ANO7: variants seen among roughly 807,000 people sequenced by gnomAD.
ANO7 encodes anoctamin 7.
In ANO7, 114 loss-of-function variants were observed where a neutral mutation model predicts 115.8. The ratio of observed to expected loss-of-function variants is 0.98; its 90% CI spans 0.85 to 1.15. ANO7 has a LOEUF of 1.15. ANO7 is among the 50% of genes most tolerant of loss of function. ANO7 has a pLI of 0.00. For synonymous variants in ANO7, 550 were observed against 498.2 expected (o/e 1.10, Z -1.38); for missense variants, 1,302 against 1,201.2 (o/e 1.08, Z -1.24).
chr2:241,229,959 T>C (rs1369420093), downstream of ANO7: 1 of 1,596,302 alleles, frequency 6.3e-7, no homozygotes, highest in Non-Finnish European at 8.5e-7. Flanking sequence ...CCACGTCAGC[T>C]AGCTGCAGGC....
rs779817986 is a variant in ANO7, at chr2:241,218,322, C to G, written c.2262C>G (p.Leu754=). 5.3e-6 allele frequency: 8 copies of G among 1,520,336 alleles called. No individual in the cohort carries two copies. Among genetic ancestry groups the G allele is most frequent in the Admixed American group, 2.0e-5 (1 of 51,164 alleles). The allele number at this position is 1,520,336 out of a possible 1,614,324, so 94.2% of individuals were successfully genotyped here. ...WTRAHDLRGF[L]NFTLARAPSS... is the part of the protein sequence containing the mutation. ...GCGCCCACGACCTGCGCGGCTTCCTCAACTTCACGCTGGCGCGAGCCCCGT... is the reference window on the plus strand; with the variant it reads ...GCGCCCACGACCTGCGCGGCTTCCTGAACTTCACGCTGGCGCGAGCCCCGT... Residue 754 remains leucine, a synonymous_variant, in exon 21 of 25, where the codon CTC becomes CTG. Transcript: ENST00000674324.
intron 3 of ANO7, among the ~76,000 whole-genome samples, chr2:241,192,419 G>T (rs941473369): frequency 7.9e-5 from 12 of 152,206 alleles, no homozygotes; most frequent in Non-Finnish European, 1.2e-4. Flanking sequence ...TGAGGGTGAG[G>T]CAGGGCTGGT....
Position 241,223,767 on chromosome 2 carries a change from C to A in ANO7, c.2518C>A (p.Leu840Met). The stretch of plus-strand genomic sequence containing the variant: ...GGAGTACTACCTGGCTAAGCAGGCA[C>A]TGGCTGAGAATGAGGTGAACTGTAC... Reference protein sequence around the residue: ...KREYYLAKQALAENEVLFGTN... With the variant: ...KREYYLAKQAMAENEVLFGTN... The change falls in exon 23 of 25, where the codon CTG becomes ATG. Residue 840 changes from leucine (L) to methionine (M), a missense_variant. Coordinates refer to ENST00000674324, the MANE Select transcript of ANO7 (RefSeq NM_001370694.2). 6.2e-7 allele frequency: 1 copy of A among 1,614,230 alleles called. No homozygotes were observed. Among genetic ancestry groups the A allele is most frequent in the Non-Finnish European group, 8.5e-7 (1 of 1,180,028 alleles).
At chr2:241,218,492 C>G (rs1475599329) in intron 21 of ANO7, 111 bp downstream of exon 21, 8 of 465,018 alleles carry the variant, frequency 1.7e-5, no homozygotes, top group Non-Finnish European at 1.6e-5. Flanking sequence ...CGGGCGCCGC[C>G]GGGCAAGGCC....
At position 241,201,209 on chromosome 2, in the gene ANO7, C is replaced by T. The variant is rs2068461474; in HGVS notation, c.555-89C>T. The T allele has an allele frequency of 3.4e-6, 5 of 1,490,978 alleles. No homozygotes were observed. The Admixed American group carries it at 1.0e-4, about 31-fold the overall frequency. 92.4% of individuals were successfully genotyped at this position (1,490,978 alleles called of 1,614,324 possible). A position where few individuals can be genotyped will look rare whatever the true frequency, so the allele number is the denominator to read the frequency against. ...CGGGCCCCAAACCTTCTGCACCGTTCACATGCCCGCAGCTTCCTCCAAACC... is the reference window on the plus strand; with the variant it reads ...CGGGCCCCAAACCTTCTGCACCGTTTACATGCCCGCAGCTTCCTCCAAACC... On this transcript the variant is annotated intron_variant, in intron 6 of 24. Coordinates refer to ENST00000674324, the MANE Select transcript of ANO7 (RefSeq NM_001370694.2).
rs113676425 is a variant in ANO7, at chr2:241,203,265, T to C, written c.724-68T>C. 7,989 of 1,263,884 alleles carry C rather than the reference T, an allele frequency of 6.3e-3. 35 individuals are homozygous for C. The highest frequency in any genetic ancestry group is 7.2e-3 in the Non-Finnish European group (6,866 of 955,178). The allele number at this position is 1,263,884 out of a possible 1,614,324, so 78.3% of individuals were successfully genotyped here. On this transcript the variant is annotated intron_variant, in intron 8 of 24. Coordinates refer to ENST00000674324, the MANE Select transcript of ANO7 (RefSeq NM_001370694.2). The surrounding 1 kb of genome is among the most constrained non-coding windows in gnomAD (Gnocchi z 4.8). The stretch of plus-strand genomic sequence containing the variant: ...TGCCCATGTCCCACACTGAAGCCCC[T>C]GCACCTACAACAGTGCCCAGTGGGG...
chr2:241,218,489 C>G (rs1323136299), intron 21 of ANO7, 108 bp downstream of exon 21: 2 of 909,250 alleles, frequency 2.2e-6, no homozygotes, highest in Admixed American at 5.4e-5. Flanking sequence ...GGGCGGGCGC[C>G]GCCGGGCAAG....
rs1333638899 is a variant in ANO7, at chr2:241,203,738, G to A, written c.889+240G>A. ...TGCTCCAGTAACAGTGCTGAGAGCC[G>A]CTTCTGCTGGTGGGGGTCTCTCCTG... is the stretch of plus-strand genomic sequence containing the variant. On this transcript the variant is annotated intron_variant, in intron 9 of 24. Transcript: ENST00000674324. The surrounding 1 kb of genome is among the most constrained non-coding windows in gnomAD (Gnocchi z 4.8). Among the ~76,000 whole-genome samples the A allele has an allele frequency of 3.3e-5, 5 of 152,076 alleles. No individual in the cohort carries two copies. Among genetic ancestry groups the A allele is most frequent in the Non-Finnish European group, 5.9e-5 (4 of 67,988 alleles).
chr2:241,218,418 A>C (rs2068922525), intron 21 of ANO7, 37 bp downstream of exon 21: 4 of 1,260,072 alleles, frequency 3.2e-6, no homozygotes, highest in Non-Finnish European at 3.0e-6. Flanking sequence ...CCGCGGGCGC[A>C]CGAGGACGAG....
At chr2:241,232,948 T>C in the ANO7 span, among the ~76,000 whole-genome samples, 2 of 151,160 alleles carry the variant, frequency 1.3e-5, no homozygotes, top group South Asian at 4.2e-4. Flanking sequence ...TGTGTGTGAC[T>C]CAAAGATCCA....
intron 13 of ANO7, 25 bp downstream of exon 13, chr2:241,209,660 T>C: frequency 6.6e-7 from 1 of 1,511,704 alleles, no homozygotes; most frequent in Non-Finnish European, 8.8e-7. Context: ...TGCCCTCCGC[T>C]CACGCCTCCA....
At chr2:241,193,355 C>T (rs2068249308) in intron 3 of ANO7, among the ~76,000 whole-genome samples, 1 of 152,138 alleles carries the variant, frequency 6.6e-6, no homozygotes, top group African/African-American at 2.4e-5. Context: ...TAAGTGTGAG[C>T]CGCCACGCCC....
chr2:241,217,108 A>T (rs1221503980), intron 19 of ANO7, among the ~76,000 whole-genome samples: 1 of 152,210 alleles, frequency 6.6e-6, no homozygotes, highest in Admixed American at 6.5e-5. Context: ...GCTGGGGATT[A>T]CAGGCGTGAG....
At chr2:241,219,518 A>G (rs2068957074) in intron 21 of ANO7, among the ~76,000 whole-genome samples, 2 of 151,332 alleles carry the variant, frequency 1.3e-5, no homozygotes, top group Non-Finnish European at 2.9e-5. Context: ...CCGATGGCAT[A>G]TATTTCTATT....
At chr2:241,210,831 GA>G (rs756079812) in intron 15 of ANO7, among the ~76,000 whole-genome samples, 17 of 128,980 alleles carry the variant, frequency 1.3e-4, no homozygotes, top group Non-Finnish European at 2.1e-4. Flanking sequence ...GTGCCCAGCT[GA>G]AATTTTTTTT....
Position 241,191,282 on chromosome 2 carries a change from C to A in ANO7, c.166+31C>A, listed in dbSNP as rs370351721. 9.3e-6 allele frequency: 15 copies of A among 1,611,580 alleles called. No homozygotes were observed. The African/African-American group carries it at 2.0e-4, about 22-fold the overall frequency. ...CCCCTCCCAGCACCTGTACCACACC[C>A]GTGTTGGTCCTGAGGGTGGGGACAC... On this transcript the variant is annotated intron_variant, in intron 3 of 24. Transcript: ENST00000674324.
chr2:241,238,871 T>G, the ANO7 span: 1 of 1,142,032 alleles, frequency 8.8e-7, no homozygotes, highest in Non-Finnish European at 1.2e-6. This position sits in a 1 kb window ranked among gnomAD's most constrained non-coding sequence, Gnocchi z 4.9. Flanking sequence ...TCACACCACC[T>G]TCCTCCCTGT....
At chr2:241,191,747 A>C (rs1237563098) in intron 3 of ANO7, among the ~76,000 whole-genome samples, 3 of 121,094 alleles carry the variant, frequency 2.5e-5, no homozygotes, top group African/African-American at 9.6e-5. Context: ...GAGAGACCCT[A>C]ACCTCCTCCC....
rs2068689400 is a variant in ANO7, at chr2:241,210,285, G to C, written c.1360-10G>C. The C allele has an allele frequency of 2.5e-6, 4 of 1,613,622 alleles. No homozygotes were observed. The East Asian group carries it at 8.9e-5, about 36-fold the overall frequency. Reference sequence around the variant, plus strand: ...CGTGAAGGGTCTCACGGGCCTCCCTGCCCCCGCAGGTGGCCGTGGTGGTCA... The same window carrying C: ...CGTGAAGGGTCTCACGGGCCTCCCTCCCCCCGCAGGTGGCCGTGGTGGTCA... On this transcript the variant is annotated splice_polypyrimidine_tract_variant and intron_variant, in intron 13 of 24. Coordinates refer to ENST00000674324, the MANE Select transcript of ANO7 (RefSeq NM_001370694.2).
Sources: allele counts gnomAD v4.1 joint callset (sites outside exome capture counted in the v4.1 genomes callset), GRCh38; gene constraint gnomAD v4.1.1; non-coding constraint Gnocchi (gnomAD v3.1); transcripts MANE v1.5; gene names NCBI Gene and HGNC (gene_info 2026-07-23, HGNC 2026-07-21).